Variants in PLCB4 observed in about 807,000 individuals in gnomAD.
The protein encoded by PLCB4 is 1-phosphatidylinositol 4,5-bisphosphate phosphodiesterase beta-4.
A neutral mutation model predicts 178.8 loss-of-function variants in PLCB4; 77 were observed. The ratio of observed to expected loss-of-function variants is 0.43; its 90% CI spans 0.36 to 0.52. PLCB4 has a LOEUF of 0.52. Ranked by LOEUF, PLCB4 falls within the 20% of genes least tolerant of loss-of-function variation. The probability of loss-of-function intolerance (pLI) is 0.00; values close to 1 mark genes in which losing one functional copy is unlikely to be tolerated. For synonymous variants in PLCB4, 496 were observed against 490.8 expected (o/e 1.01, Z -0.14); for missense variants, 1,024 against 1,453.4 (o/e 0.70, Z 4.80).
chr20:9,082,227 C>G (rs1410565686), intron 1 of PLCB4, among the ~76,000 whole-genome samples: 8 of 152,056 alleles, frequency 5.3e-5, no homozygotes, highest in Admixed American at 5.2e-4. Flanking sequence ...TATTCATTTT[C>G]TTGTAGCATT....
chr20:9,291,279 G>T (rs1469948673), intron 3 of PLCB4, among the ~76,000 whole-genome samples: 1 of 152,092 alleles, frequency 6.6e-6, no homozygotes, highest in Non-Finnish European at 1.5e-5. Context: ...CACTCTCCCT[G>T]CTGGTCTATC....
At chr20:9,268,305 T>C (rs1179061580) in intron 3 of PLCB4, among the ~76,000 whole-genome samples, 1 of 152,158 alleles carries the variant, frequency 6.6e-6, no homozygotes, top group Non-Finnish European at 1.5e-5. Flanking sequence ...CATACTTGGT[T>C]TCTTTCTGTT....
At chr20:9,470,804 A>T (rs1478044361) in intron 36 of PLCB4, among the ~76,000 whole-genome samples, 1 of 152,204 alleles carries the variant, frequency 6.6e-6, no homozygotes, top group Non-Finnish European at 1.5e-5. Context: ...AGTACTATAC[A>T]TTTGTGGCTA....
chr20:9,166,527 T>C (rs1411979830), intron 2 of PLCB4: 6 of 152,174 alleles, frequency 3.9e-5, no homozygotes, highest in Non-Finnish European at 8.8e-5. Flanking sequence ...TTATAGTCCC[T>C]GGCTTCTCCG....
intron 2 of PLCB4, among the ~76,000 whole-genome samples, chr20:9,194,987 A>C (rs2147157895): frequency 6.6e-6 from 1 of 152,314 alleles, no homozygotes; most frequent in Non-Finnish European, 1.5e-5. Context: ...TTACTAAGTG[A>C]GGCGATGGCA....
intron 1 of PLCB4, among the ~76,000 whole-genome samples, chr20:9,084,774 A>G (rs1398615958): frequency 1.3e-5 from 2 of 152,242 alleles, no homozygotes; most frequent in Admixed American, 6.5e-5. Flanking sequence ...GGATATAAAG[A>G]CATCTTCAAT....
chr20:9,357,213 C>T (rs1482728837), intron 7 of PLCB4, among the ~76,000 whole-genome samples: 1 of 152,226 alleles, frequency 6.6e-6, no homozygotes. Context: ...TTAAATATTT[C>T]AGATGGCCCC....
Position 9,353,334 on chromosome 20 carries a change from T to C in PLCB4, c.370-9562T>C, listed in dbSNP as rs900320379. On this transcript the variant is annotated intron_variant, in intron 7 of 39. Coordinates refer to ENST00000378473, the MANE Select transcript of PLCB4 (RefSeq NM_001377142.1). ...TCATCTTTCTTGCAGCAACAGTTCA[T>C]GGTGAATTGCCCTCTTGTCCCATGG... Among the ~76,000 whole-genome samples the C allele has an allele frequency of 2.1e-4, 32 of 152,202 alleles. 1 individual carries two copies. The highest frequency in any genetic ancestry group is 2.1e-3 in the Admixed American group (32 of 15,278).
At chr20:9,420,326 T>A (rs2090840696) in intron 26 of PLCB4, among the ~76,000 whole-genome samples, 1 of 151,986 alleles carries the variant, frequency 6.6e-6, no homozygotes, top group Non-Finnish European at 1.5e-5. Context: ...CTGATCTAAT[T>A]TTACATTTTT....
In PLCB4 at chr20:9,338,984, C is replaced by G. The variant is rs2032849216; in HGVS notation, c.316C>G (p.Leu106Val). 6.2e-7 allele frequency: 1 copy of G among 1,613,236 alleles called. No individual in the cohort carries two copies. Among genetic ancestry groups the G allele is most frequent in the Non-Finnish European group, 8.5e-7 (1 of 1,179,394 alleles). ...RIVCVCSGTD[L>V]VNISFTYMVA... ...AGTTTGTGTCTGCAGTGGCACAGAT[C>G]TAGTGAACATTAGTTTTACCTACAT... is the stretch of plus-strand genomic sequence containing the variant. Residue 106 changes from leucine to valine, a missense_variant, in exon 7 of 40, where the codon CTA becomes GTA. Around this residue, in one of 7 missense-constraint regions of PLCB4, gnomAD observed 225 missense variants for 291.0 expected, o/e 0.77. Coordinates refer to ENST00000378473, the MANE Select transcript of PLCB4 (RefSeq NM_001377142.1).
chr20:9,357,183 T>C (rs1327398526), intron 7 of PLCB4, among the ~76,000 whole-genome samples: 1 of 152,202 alleles, frequency 6.6e-6, no homozygotes, highest in Non-Finnish European at 1.5e-5. Context: ...GAGTTGTCGA[T>C]ACCAAGAAGT....
At chr20:9,137,366 T>A (rs117497552) in intron 2 of PLCB4, among the ~76,000 whole-genome samples, 37 of 152,208 alleles carry the variant, frequency 2.4e-4, no homozygotes, top group Non-Finnish European at 4.3e-4. Flanking sequence ...GCATAAATCG[T>A]ACTCAAGCCC....
At chr20:9,437,653 G>A (rs984888596) in intron 30 of PLCB4, among the ~76,000 whole-genome samples, 2 of 152,194 alleles carry the variant, frequency 1.3e-5, no homozygotes, top group Non-Finnish European at 2.9e-5. Flanking sequence ...GAGGGAAAGT[G>A]GGCAGGGAGA....
chr20:9,282,624 C>T (rs546900246), intron 3 of PLCB4, among the ~76,000 whole-genome samples: 1 of 152,144 alleles, frequency 6.6e-6, no homozygotes, highest in Admixed American at 6.5e-5. Flanking sequence ...GATCTGTCAT[C>T]CGATTCAGCC....
chr20:9,270,094 G>A (rs2094387583), intron 3 of PLCB4, among the ~76,000 whole-genome samples: 1 of 152,054 alleles, frequency 6.6e-6, no homozygotes, highest in Non-Finnish European at 1.5e-5. Flanking sequence ...TATTAATGAA[G>A]TTCCTTTTGT....
intron 18 of PLCB4, 26 bp downstream of exon 18, chr20:9,393,704 T>A: frequency 7.3e-7 from 1 of 1,373,438 alleles, no homozygotes; most frequent in Non-Finnish European, 1.0e-6. Context: ...ACATTTATAA[T>A]GGAAGCATAC....
At chr20:9,094,844 A>G (rs1310150302) in intron 1 of PLCB4, among the ~76,000 whole-genome samples, 2 of 152,210 alleles carry the variant, frequency 1.3e-5, no homozygotes, top group South Asian at 2.1e-4. Flanking sequence ...TCATCAATCC[A>G]TCGTGGCTTT....
intron 1 of PLCB4, among the ~76,000 whole-genome samples, chr20:9,076,037 T>C (rs998016251): frequency 1.3e-5 from 2 of 152,182 alleles, no homozygotes; most frequent in South Asian, 2.1e-4. Context: ...ATTTCCAGTG[T>C]ACATAGATTT....
At chr20:9,405,123 A>G (rs890397499) in intron 20 of PLCB4, among the ~76,000 whole-genome samples, 190 bp from the exon 21 acceptor site, 2 of 152,024 alleles carry the variant, frequency 1.3e-5, no homozygotes, top group Non-Finnish European at 2.9e-5. Context: ...GAGCATTAAG[A>G]TTAGCCCTTC....
Sources: allele counts gnomAD v4.1 joint callset (sites outside exome capture counted in the v4.1 genomes callset), GRCh38; gene constraint gnomAD v4.1.1; regional missense constraint gnomAD v4.1.1; transcripts MANE v1.5; gene names NCBI Gene and HGNC (gene_info 2026-07-23, HGNC 2026-07-21).